DNAH14: variants seen among roughly 807,000 people sequenced by gnomAD.
The protein encoded by DNAH14 is dynein axonemal heavy chain 14.
Under a neutral mutation model 520.9 loss-of-function variants are expected in DNAH14, and 478 were observed. The observed-to-expected ratio is 0.92, with a 90% CI of 0.85 to 0.99. The LOEUF (loss-of-function observed/expected upper bound fraction) is 0.99. DNAH14 is among the 50% of genes least tolerant of loss of function. DNAH14 has a pLI of 0.00. For synonymous variants in DNAH14, 1,581 were observed against 1,757.2 expected, an observed-to-expected ratio of 0.90 and a Z score of 2.51; for missense variants, 4,831 against 5,234.5, an observed-to-expected ratio of 0.92 and a Z score of 2.38.
At chr1:225,191,969 T>C (rs1217931003) in intron 37 of DNAH14, among the ~76,000 whole-genome samples, 1 of 151,928 alleles carries the variant, frequency 6.6e-6, no homozygotes, top group East Asian at 1.9e-4. Context: ...TCCTCAGACT[T>C]GATCTTTGCT....
chr1:225,004,058 G>C (rs1006541849), intron 9 of DNAH14, among the ~76,000 whole-genome samples: 2 of 152,054 alleles, frequency 1.3e-5, no homozygotes, highest in Non-Finnish European at 2.9e-5. Context: ...GGCCATGTCA[G>C]CTTTAATATA....
At chr1:225,340,985 A>G (rs2095166695) in intron 69 of DNAH14, among the ~76,000 whole-genome samples, 1 of 152,208 alleles carries the variant, frequency 6.6e-6, no homozygotes, top group African/African-American at 2.4e-5. Context: ...GTTCCCTCCA[A>G]GGCTCTATGC....
intron 8 of DNAH14, among the ~76,000 whole-genome samples, chr1:224,977,973 C>T (rs1443963581): frequency 6.6e-6 from 1 of 152,170 alleles, no homozygotes; most frequent in Non-Finnish European, 1.5e-5. Context: ...GATATCACCT[C>T]ACTCCAGATA....
chr1:224,933,464 G>A (rs141008019), intron 1 of DNAH14, among the ~76,000 whole-genome samples: 1 of 152,188 alleles, frequency 6.6e-6, no homozygotes. Context: ...CCAGTATGAG[G>A]CTGAATGAGA....
intron 4 of DNAH14, among the ~76,000 whole-genome samples, chr1:224,962,191 A>G (rs1360555192): frequency 1.3e-5 from 2 of 152,156 alleles, no homozygotes; most frequent in South Asian, 2.1e-4. Flanking sequence ...CATGCTTTGT[A>G]TAATTGCCTC....
At position 225,374,780 on chromosome 1, in the gene DNAH14, T is replaced by C. The variant is rs2150696496; in HGVS notation, c.12411T>C (p.Gly4137=). Residue 4137 remains glycine, a synonymous_variant, in exon 78 of 86, where the codon GGT becomes GGC. Transcript: ENST00000682510. ...ACCTGATTGGAGAAGTGATTTACGG[T>C]GGCCGGGTGATTGATAATTGGGACA... ...LRYLIGEVIY[G]GRVIDNWDKR... The C allele has an allele frequency of 6.4e-7, 1 of 1,551,552 alleles. No homozygotes were observed. The highest frequency in any genetic ancestry group is 8.7e-7 in the Non-Finnish European group (1 of 1,146,948).
chr1:225,336,070 CATACTT>C (rs1342999737), intron 66 of DNAH14, among the ~76,000 whole-genome samples: 1 of 129,752 alleles, frequency 7.7e-6, no homozygotes, highest in Admixed American at 7.8e-5. Context: ...TGTATACATA[CATACTT>C]ATATATACAT....
intron 23 of DNAH14, among the ~76,000 whole-genome samples, chr1:225,105,858 T>C (rs2075998942): frequency 6.6e-6 from 1 of 152,052 alleles, no homozygotes; most frequent in Admixed American, 6.6e-5. Flanking sequence ...AGTCTGTGTC[T>C]TTTAATTGGA....
chr1:224,980,892 T>C (rs1413179204), intron 8 of DNAH14, among the ~76,000 whole-genome samples: 1 of 152,190 alleles, frequency 6.6e-6, no homozygotes, highest in African/African-American at 2.4e-5. Context: ...CTCATGTAGA[T>C]GACAGGTTGA....
Position 225,024,138 on chromosome 1 carries a change from T to A in DNAH14, c.1358+273T>A. ...GTATTACCTATGTTAAAATTATTGT[T>A]TATCTGAAATTCAGATTTCTCTGAT... On this transcript the variant is annotated intron_variant, in intron 11 of 85. Transcript: ENST00000682510. 3.0e-6 allele frequency: 3 copies of A among 1,010,318 alleles called. No individual in the cohort carries two copies. The South Asian group carries it at 1.4e-4, about 47-fold the overall frequency. 62.6% of individuals were successfully genotyped at this position (1,010,318 alleles called of 1,614,324 possible). A position where few individuals can be genotyped will look rare whatever the true frequency, so the allele number is the denominator to read the frequency against.
rs890069531 is a variant in DNAH14, at chr1:225,079,549, G to A, written c.2766+1G>A. The A allele has an allele frequency of 2.0e-6, 3 of 1,501,986 alleles. No individual in the cohort carries two copies. The highest frequency in any genetic ancestry group is 2.6e-6 in the Non-Finnish European group (3 of 1,133,426). The allele number at this position is 1,501,986 out of a possible 1,614,324, so 93.0% of individuals were successfully genotyped here. A position where few individuals can be genotyped will look rare whatever the true frequency, so the allele number is the denominator to read the frequency against. On this transcript the variant is annotated splice_donor_variant, in intron 18 of 85. Transcript: ENST00000682510. LOFTEE classifies it high-confidence loss of function. ...TGATGTTGGCAATTTAAAAGCCAAG[G>A]TAAGTTTTTAGGGTTTTTTTGGATT...
intron 37 of DNAH14, among the ~76,000 whole-genome samples, chr1:225,185,890 G>T: frequency 7.0e-6 from 1 of 142,370 alleles, no homozygotes. Context: ...TTTGATCTTG[G>T]TCACTGATAA....
At chr1:225,042,342 C>G (rs1437723640) in intron 12 of DNAH14, among the ~76,000 whole-genome samples, 1 of 152,160 alleles carries the variant, frequency 6.6e-6, no homozygotes, top group East Asian at 1.9e-4. Context: ...TATTTATCCC[C>G]TAGTGTTTTT....
chr1:225,383,488 G>A (rs1301096462), intron 81 of DNAH14, among the ~76,000 whole-genome samples: 1 of 152,190 alleles, frequency 6.6e-6, no homozygotes, highest in Non-Finnish European at 1.5e-5. Flanking sequence ...AAGTTAGGCT[G>A]AAAGAACAAT....
At chr1:225,157,124 G>A (rs1307376420) in intron 34 of DNAH14, among the ~76,000 whole-genome samples, 1 of 152,064 alleles carries the variant, frequency 6.6e-6, no homozygotes, top group Admixed American at 6.6e-5. Flanking sequence ...AAGGGAAAAA[G>A]GCAGTTTTCT....
chr1:225,338,372 C>G, intron 68 of DNAH14, 190 bp downstream of exon 68: 1 of 750,630 alleles, frequency 1.3e-6, no homozygotes, highest in Non-Finnish European at 2.3e-6. Flanking sequence ...CGATTTTTAT[C>G]AAGTCACTCC....
At chr1:225,352,018 C>A in intron 72 of DNAH14, 135 bp downstream of exon 72, 1 of 662,540 alleles carries the variant, frequency 1.5e-6, no homozygotes, top group Non-Finnish European at 2.5e-6. Context: ...TTTCAGCATG[C>A]ACATGTTATT....
intron 17 of DNAH14, among the ~76,000 whole-genome samples, chr1:225,063,415 TTG>T (rs917805989): frequency 2.6e-5 from 4 of 152,150 alleles, no homozygotes; most frequent in Non-Finnish European, 4.4e-5. Flanking sequence ...AATTTTTTTG[TTG>T]TTTTTTAAAA....
rs762170822 is a variant in DNAH14, at chr1:225,259,195, A to G, written c.7099A>G (p.Ile2367Val). ...GCTAGAGGGTCCAGGAGCATTTGACATAAAACATGGTTCAATTTTAGGAGA... is the reference window on the plus strand; with the variant it reads ...GCTAGAGGGTCCAGGAGCATTTGACGTAAAACATGGTTCAATTTTAGGAGA... ...EKLEGPGAFD[I>V]KHGSILGDTL... The change falls in exon 46 of 86, where the codon ATA becomes GTA. Residue 2367 changes from isoleucine to valine, a missense_variant. Ile to Val is a conservative substitution (Grantham distance 29). Transcript: ENST00000682510. 1.9e-6 allele frequency: 3 copies of G among 1,545,292 alleles called. No homozygotes were observed. Among genetic ancestry groups the G allele is most frequent in the African/African-American group, 2.8e-5 (2 of 72,660 alleles).
Sources: allele counts gnomAD v4.1 joint callset (sites outside exome capture counted in the v4.1 genomes callset), GRCh38; gene constraint gnomAD v4.1.1; transcripts MANE v1.5; gene names NCBI Gene and HGNC (gene_info 2026-07-23, HGNC 2026-07-21).